Variants in GRIK1 observed in about 807,000 individuals in gnomAD.
GRIK1 encodes the protein glutamate ionotropic receptor kainate type subunit 1, also known as glutamate receptor ionotropic, kainate 1.
Under a neutral mutation model 105.7 loss-of-function variants are expected in GRIK1, and 69 were observed. The ratio of observed to expected loss-of-function variants is 0.65; its 90% CI spans 0.54 to 0.80. The LOEUF is 0.80. Among genes scored for constraint, GRIK1 ranks in the 30% least tolerant of loss-of-function variants. The pLI, the probability that GRIK1 is intolerant of heterozygous loss-of-function variation, is 0.00. For missense variants in GRIK1, 1,109 were observed against 1,167.3 expected, an observed-to-expected ratio of 0.95 and a Z score of 0.73; for synonymous variants, 438 against 431.3, an observed-to-expected ratio of 1.02 and a Z score of -0.19.
intron 1 of GRIK1, among the ~76,000 whole-genome samples, chr21:29,904,320 GA>G (rs34579864): frequency 4.7e-5 from 7 of 149,140 alleles, no homozygotes; most frequent in South Asian, 2.1e-4. Context: ...TTTTTTTTGG[GA>G]AAAAAAAGGA....
chr21:29,844,200 A>T (rs576527969), intron 1 of GRIK1, among the ~76,000 whole-genome samples: 20 of 147,510 alleles, frequency 1.4e-4, no homozygotes, highest in East Asian at 7.8e-4. Flanking sequence ...AATATGATTT[A>T]AAAAAAAAAC....
intron 1 of GRIK1, among the ~76,000 whole-genome samples, chr21:29,724,037 A>G (rs2146868898): frequency 6.6e-6 from 1 of 152,340 alleles, no homozygotes; most frequent in Non-Finnish European, 1.5e-5. Context: ...TTGGTTTGAA[A>G]TGTTGTGCCC....
At chr21:29,821,409 G>T (rs573062197) in intron 1 of GRIK1, among the ~76,000 whole-genome samples, 6 of 151,966 alleles carry the variant, frequency 3.9e-5, no homozygotes, top group Middle Eastern at 3.4e-3. Flanking sequence ...TGCTTCTTTG[G>T]AGCACTTCCA....
intron 1 of GRIK1, among the ~76,000 whole-genome samples, chr21:29,869,651 A>G (rs1015184224): frequency 1.8e-4 from 27 of 152,250 alleles, no homozygotes; most frequent in Non-Finnish European, 3.2e-4. Context: ...ATCCTAGCGT[A>G]TAGCACTCTT....
intron 1 of GRIK1, among the ~76,000 whole-genome samples, chr21:29,790,027 C>G (rs1299278724): frequency 1.3e-5 from 2 of 152,100 alleles, no homozygotes; most frequent in Non-Finnish European, 1.5e-5. Context: ...TCACGTAAGT[C>G]TCCTTTAATA....
At chr21:29,923,018 A>T (rs2071240134) in intron 1 of GRIK1, among the ~76,000 whole-genome samples, 1 of 152,148 alleles carries the variant, frequency 6.6e-6, no homozygotes, top group Admixed American at 6.5e-5. Flanking sequence ...TGATTTACAC[A>T]ATTCTATGCC....
At chr21:29,854,584 T>C (rs1398162094) in intron 1 of GRIK1, among the ~76,000 whole-genome samples, 2 of 152,126 alleles carry the variant, frequency 1.3e-5, no homozygotes, top group East Asian at 1.9e-4. Context: ...TCCCAGAGAA[T>C]GGAGGCACAC....
At chr21:29,624,851 CCTCCT>C (rs749835326) in intron 7 of GRIK1, among the ~76,000 whole-genome samples, 296 of 152,300 alleles carry the variant, frequency 1.9e-3, no homozygotes, top group Non-Finnish European at 3.1e-3. Context: ...GAGGGCTTGC[CCTCCT>C]TCTCTGCAAG....
chr21:29,768,766 G>A (rs538883873), intron 1 of GRIK1, among the ~76,000 whole-genome samples: 12 of 152,256 alleles, frequency 7.9e-5, no homozygotes, highest in South Asian at 4.1e-4. Context: ...ATTTGAGCTC[G>A]TTCTGTTCAC....
At chr21:29,746,017 T>C (rs900176645) in intron 1 of GRIK1, among the ~76,000 whole-genome samples, 3 of 151,964 alleles carry the variant, frequency 2.0e-5, no homozygotes, top group African/African-American at 7.2e-5. Flanking sequence ...GGCAGGAGAA[T>C]GGCATGAACC....
chr21:29,820,866 A>G (rs181700120), intron 1 of GRIK1, among the ~76,000 whole-genome samples: 156 of 152,046 alleles, frequency 1.0e-3, no homozygotes, highest in Non-Finnish European at 1.8e-3. Context: ...GAGGTCAAAA[A>G]CCTTACCCAA....
At chr21:29,783,036 GC>G (rs2145787801) in intron 1 of GRIK1, among the ~76,000 whole-genome samples, 1 of 152,194 alleles carries the variant, frequency 6.6e-6, no homozygotes, top group African/African-American at 2.4e-5. Context: ...CCATTATATA[GC>G]CCCCAACACA....
intron 1 of GRIK1, among the ~76,000 whole-genome samples, chr21:29,936,037 A>T (rs1156938852): frequency 6.6e-6 from 1 of 152,348 alleles, no homozygotes. Context: ...TGAGGTTTGC[A>T]ATAGTTTTAA....
rs2146786075 is a variant in GRIK1, at chr21:29,705,472, C to T, written c.119-11409G>A. 2.0e-5 allele frequency among the ~76,000 whole-genome samples: 3 copies of T among 152,254 alleles called. No individual in the cohort carries two copies. In the South Asian group the frequency reaches 6.2e-4, roughly 32 times the overall value. On this transcript the variant is annotated intron_variant, in intron 1 of 17. Transcript: ENST00000327783. The stretch of plus-strand genomic sequence containing the variant: ...ATGATAGGACAGTTTTCCTTGTAAC[C>T]GTGACATGCAGTGGAATTGTTGTCT...
chr21:29,843,056 A>G (rs1026902982), intron 1 of GRIK1, among the ~76,000 whole-genome samples: 1 of 152,136 alleles, frequency 6.6e-6, no homozygotes, highest in Non-Finnish European at 1.5e-5. Flanking sequence ...TGAACTCCCT[A>G]GCCTCATGAA....
At chr21:29,645,420 G>A (rs967892148) in intron 6 of GRIK1, among the ~76,000 whole-genome samples, 1 of 152,124 alleles carries the variant, frequency 6.6e-6, no homozygotes, top group African/African-American at 2.4e-5. Context: ...AGAAGTATAA[G>A]GACTGGAATT....
At chr21:29,817,091 T>C (rs1214277851) in intron 1 of GRIK1, among the ~76,000 whole-genome samples, 1 of 152,072 alleles carries the variant, frequency 6.6e-6, no homozygotes, top group Non-Finnish European at 1.5e-5. Flanking sequence ...AATGATAATC[T>C]GGACACAGCT....
chr21:29,562,660 A>C (rs930498215), intron 14 of GRIK1, among the ~76,000 whole-genome samples: 4 of 152,048 alleles, frequency 2.6e-5, no homozygotes, highest in Non-Finnish European at 5.9e-5. Context: ...TGTCTCAAAA[A>C]AAAAAAGAAG....
At chr21:29,643,094 G>GC (rs2062548300) in intron 6 of GRIK1, 125 bp from the exon 7 acceptor site, 3 of 871,382 alleles carry the variant, frequency 3.4e-6, no homozygotes, top group Non-Finnish European at 5.3e-6. Flanking sequence ...TTACTCTTCA[G>GC]CTAGGTAGTT....
Sources: allele counts gnomAD v4.1 joint callset (sites outside exome capture counted in the v4.1 genomes callset), GRCh38; gene constraint gnomAD v4.1.1; transcripts MANE v1.5; gene names NCBI Gene and HGNC (gene_info 2026-07-23, HGNC 2026-07-21).